IKZF1: variants seen among roughly 807,000 people sequenced by gnomAD.
IKZF1 encodes the protein DNA-binding protein Ikaros.
A neutral mutation model predicts 51.7 loss-of-function variants in IKZF1; 10 were observed. That is an observed-to-expected ratio of 0.19 (90% CI 0.12 to 0.33). The LOEUF (loss-of-function observed/expected upper bound fraction) is 0.33, where lower values mean the gene tolerates loss of function less well. Among genes scored for constraint, IKZF1 ranks in the 10% least tolerant of loss-of-function variants. The probability of loss-of-function intolerance (pLI) is 1.00; values close to 1 mark genes in which losing one functional copy is unlikely to be tolerated. For missense variants in IKZF1, 484 were observed against 707.5 expected (o/e 0.68, Z 3.58); for synonymous variants, 280 against 282.3 (o/e 0.99, Z 0.08).
intron 5 of IKZF1, among the ~76,000 whole-genome samples, chr7:50,385,134 G>A (rs1458032403): frequency 6.6e-6 from 1 of 152,202 alleles, no homozygotes; most frequent in African/African-American, 2.4e-5. Context: ...TGGATCCACG[G>A]ATGAGCAAGT....
intron 3 of IKZF1, among the ~76,000 whole-genome samples, chr7:50,340,405 T>C (rs1231294613): frequency 6.6e-6 from 1 of 152,210 alleles, no homozygotes; most frequent in Non-Finnish European, 1.5e-5. Flanking sequence ...GGTGAAGCCC[T>C]GAACATCCGG....
chr7:50,339,443 TG>T (rs1303818133), intron 3 of IKZF1, among the ~76,000 whole-genome samples: 2 of 152,086 alleles, frequency 1.3e-5, no homozygotes, highest in African/African-American at 2.4e-5. Context: ...GTTTGGTTGC[TG>T]GGGGAGTATG....
intron 1 of IKZF1, among the ~76,000 whole-genome samples, chr7:50,309,578 G>T (rs1041625300): frequency 6.6e-6 from 1 of 152,116 alleles, no homozygotes; most frequent in Non-Finnish European, 1.5e-5. Flanking sequence ...AGATTTTTAT[G>T]CTCCATTTTT....
At chr7:50,314,949 G>A (rs961093660) in intron 1 of IKZF1, among the ~76,000 whole-genome samples, 11 of 152,252 alleles carry the variant, frequency 7.2e-5, no homozygotes, top group Non-Finnish European at 1.3e-4. Context: ...GCAGGGTCCA[G>A]GAAGCTGTTT....
intron 7 of IKZF1, among the ~76,000 whole-genome samples, chr7:50,392,405 A>G (rs547037648): frequency 6.6e-6 from 1 of 152,170 alleles, no homozygotes; most frequent in Non-Finnish European, 1.5e-5. Context: ...AAAGAAGAAG[A>G]AGAACAAGAC....
chr7:50,393,924 T>C (rs1815954322), intron 7 of IKZF1: 1 of 232,650 alleles, frequency 4.3e-6, no homozygotes, highest in African/African-American at 2.2e-5. Context: ...GCCTGGAGAA[T>C]GCTTTGGTGA....
intron 3 of IKZF1, among the ~76,000 whole-genome samples, chr7:50,371,287 A>C (rs1038012923): frequency 3.9e-5 from 6 of 152,152 alleles, no homozygotes; most frequent in African/African-American, 1.4e-4. Flanking sequence ...CTCCTCCTTC[A>C]TTAGTGGAAG....
At chr7:50,390,408 T>C (rs960915939) in intron 6 of IKZF1, among the ~76,000 whole-genome samples, 16 of 152,240 alleles carry the variant, frequency 1.1e-4, no homozygotes, top group Non-Finnish European at 2.4e-4. Context: ...GTGGCCTATA[T>C]ATGTTTGCCC....
intron 3 of IKZF1, among the ~76,000 whole-genome samples, chr7:50,355,428 C>T (rs181713887): frequency 7.2e-5 from 11 of 152,214 alleles, no homozygotes; most frequent in South Asian, 2.1e-4. Context: ...GAGGCCTGGC[C>T]GCCGGATGGG....
At position 50,402,680 on chromosome 7, in the gene IKZF1, T is replaced by TC. The variant is rs33999320; in HGVS notation, c.*2053_*2054insC. 0.24 allele frequency: 55,446 copies of TC among 230,340 alleles called. 7,093 individuals are homozygous for TC. The highest frequency in any genetic ancestry group is 0.29 in the South Asian group (1,582 of 5,492). The allele number at this position is 230,340 out of a possible 1,614,324, so 14.3% of individuals were successfully genotyped here. ...TAAATCAATTATTCCCCTTCGGTCT[T>TC]AAAAATATATTTCCTCATAAACATT... On this transcript the variant is annotated 3_prime_UTR_variant, in exon 8 of 8. Coordinates refer to ENST00000331340, the MANE Select transcript of IKZF1 (RefSeq NM_006060.6).
At chr7:50,382,871 C>T (rs76000526) in intron 5 of IKZF1, among the ~76,000 whole-genome samples, 164 bp downstream of exon 5, 18 of 152,094 alleles carry the variant, frequency 1.2e-4, no homozygotes, top group African/African-American at 4.3e-4. Flanking sequence ...TTGCCCCATC[C>T]CCCCTCCCCA....
At chr7:50,304,459 AC>A (rs1040916664), upstream of IKZF1, 8 of 142,378 alleles carry the variant, frequency 5.6e-5, no homozygotes, top group African/African-American at 2.0e-4. Flanking sequence ...CGCTCTGGCC[AC>A]CCGCCGCTCT....
intron 3 of IKZF1, chr7:50,328,024 C>A: frequency 2.4e-6 from 1 of 422,202 alleles, no homozygotes; most frequent in Non-Finnish European, 4.3e-6. Flanking sequence ...GCGTCTCTGT[C>A]ACTGTCCTCT....
At chr7:50,327,903 G>A in intron 3 of IKZF1, 146 bp downstream of exon 3, 1 of 944,624 alleles carries the variant, frequency 1.1e-6, no homozygotes, top group Non-Finnish European at 1.6e-6. Flanking sequence ...AAGATCAGCA[G>A]GATGGGGGTC....
chr7:50,336,664 C>T (rs1016811103), intron 3 of IKZF1, among the ~76,000 whole-genome samples: 3 of 152,202 alleles, frequency 2.0e-5, no homozygotes, highest in Non-Finnish European at 4.4e-5. Flanking sequence ...GTGGTGTTTG[C>T]CCCTTTGAGG....
intron 3 of IKZF1, among the ~76,000 whole-genome samples, chr7:50,338,666 C>G (rs1309532022): frequency 7.9e-5 from 12 of 152,176 alleles, no homozygotes; most frequent in Admixed American, 7.9e-4. Flanking sequence ...AGAGTACAGC[C>G]TTAACATTGC....
intron 3 of IKZF1, among the ~76,000 whole-genome samples, chr7:50,343,145 CCTTT>C (rs1390146389): frequency 7.3e-6 from 1 of 136,736 alleles, no homozygotes; most frequent in African/African-American, 2.8e-5. Flanking sequence ...TTTCTTCCTT[CCTTT>C]CTTTCTTCCC....
chr7:50,380,605 C>G (rs979686260), intron 4 of IKZF1, among the ~76,000 whole-genome samples: 1 of 152,240 alleles, frequency 6.6e-6, no homozygotes, highest in Non-Finnish European at 1.5e-5. Context: ...TTATTGTGAG[C>G]ATTTTTGTGA....
chr7:50,396,816 A>T (rs1278039734), intron 7 of IKZF1, among the ~76,000 whole-genome samples: 4 of 152,284 alleles, frequency 2.6e-5, no homozygotes, highest in South Asian at 4.1e-4. Flanking sequence ...TCTCTCCCTC[A>T]TCTGAAATTT....
Sources: allele counts gnomAD v4.1 joint callset (sites outside exome capture counted in the v4.1 genomes callset), GRCh38; gene constraint gnomAD v4.1.1; transcripts MANE v1.5; gene names NCBI Gene and HGNC (gene_info 2026-07-23, HGNC 2026-07-21).